The following TTC39B variants were observed in gnomAD, a reference collection of about 807,000 sequenced individuals.
TTC39B encodes the protein tetratricopeptide repeat protein 39B.
In TTC39B, 92 loss-of-function variants were observed where a neutral mutation model predicts 96.6. The ratio of observed to expected loss-of-function variants is 0.95; its 90% CI spans 0.80 to 1.13. The LOEUF (loss-of-function observed/expected upper bound fraction) is 1.13, where lower values mean the gene tolerates loss of function less well. Ranked by LOEUF, TTC39B falls within the 50% of genes most tolerant of loss-of-function variation. The pLI is 0.00. For synonymous variants in TTC39B, 367 were observed against 299.4 expected, an observed-to-expected ratio of 1.23 and a Z score of -2.33; for missense variants, 955 against 809.3, an observed-to-expected ratio of 1.18 and a Z score of -2.18.
intron 1 of TTC39B, among the ~76,000 whole-genome samples, chr9:15,280,610 T>G (rs1402259976): frequency 1.3e-5 from 2 of 152,182 alleles, no homozygotes; most frequent in African/African-American, 4.8e-5. Context: ...CGAACAGTGA[T>G]GATGATACCC....
At chr9:15,176,657 T>C (rs1364362453) in intron 18 of TTC39B, among the ~76,000 whole-genome samples, 3 of 152,290 alleles carry the variant, frequency 2.0e-5, no homozygotes, top group Non-Finnish European at 4.4e-5. Context: ...GATTCCAGGC[T>C]TCTCGTGAAA....
At chr9:15,249,886 C>CTAAAT in intron 2 of TTC39B, 1 of 1,233,210 alleles carries the variant, frequency 8.1e-7, no homozygotes. Flanking sequence ...ATCATAAACC[C>CTAAAT]AGGAACTGCT....
intron 1 of TTC39B, among the ~76,000 whole-genome samples, chr9:15,290,936 A>AT (rs1824167304): frequency 6.6e-6 from 1 of 152,196 alleles, no homozygotes; most frequent in African/African-American, 2.4e-5. Flanking sequence ...TGTCTCAGAC[A>AT]TTTTTTGGGT....
At chr9:15,242,382 G>A (rs1017351860) in intron 2 of TTC39B, among the ~76,000 whole-genome samples, 1 of 152,094 alleles carries the variant, frequency 6.6e-6, no homozygotes, top group Admixed American at 6.6e-5. Flanking sequence ...AGGAGTTTGA[G>A]ACCAGCCTGG....
At position 15,180,144 on chromosome 9, in the gene TTC39B, T is replaced by C. The variant is rs117162963; in HGVS notation, c.1723+2163A>G. ...AGATCCGCTGAACTTTTATGGTGGATAGGCTGAGAAACAGGGAAGTTTGAA... is the reference window on the plus strand; with the variant it reads ...AGATCCGCTGAACTTTTATGGTGGACAGGCTGAGAAACAGGGAAGTTTGAA... On this transcript the variant is annotated intron_variant, in intron 17 of 19. Transcript: ENST00000512701. Among the ~76,000 whole-genome samples the C allele has an allele frequency of 9.2e-5, 14 of 152,308 alleles. No individual in the cohort carries two copies. The East Asian group carries it at 2.5e-3, about 27-fold the overall frequency.
chr9:15,212,196 G>A (rs983651749), intron 4 of TTC39B, among the ~76,000 whole-genome samples: 5 of 152,118 alleles, frequency 3.3e-5, no homozygotes, highest in Non-Finnish European at 7.4e-5. Context: ...CAAAACAAAT[G>A]CAAGCCACAT....
chr9:15,220,477 G>A lies in TTC39B; in HGVS notation c.371+5440C>T, dbSNP rs192206251. 2.9e-3 allele frequency among the ~76,000 whole-genome samples: 436 copies of A among 152,278 alleles called. 1 individual carries two copies. The highest frequency in any genetic ancestry group is 6.8e-3 in the African/African-American group (284 of 41,548). On this transcript the variant is annotated intron_variant, in intron 3 of 19. Coordinates refer to ENST00000512701, the Ensembl canonical transcript of TTC39B. ...GTTTCCTCAGCTATGAAAAGTATAT[G>A]AGGATATGACAATATCCACCCAACA... is the stretch of plus-strand genomic sequence containing the variant.
At chr9:15,195,679 A>AG in intron 8 of TTC39B, among the ~76,000 whole-genome samples, 1 of 151,554 alleles carries the variant, frequency 6.6e-6, no homozygotes, top group South Asian at 2.1e-4. Context: ...CCAAAAAAAA[A>AG]AAAAAAAAAA....
chr9:15,189,771 G>T lies in TTC39B; in HGVS notation c.1127C>A (p.Ala376Glu), dbSNP rs143112996. The T allele has an allele frequency of 1.8e-5, 29 of 1,612,192 alleles. No homozygotes were observed. Among genetic ancestry groups the T allele is most frequent in the South Asian group, 8.8e-5 (8 of 90,754 alleles). The change falls in exon 12 of 20, where the codon GCG becomes GAG. Residue 376 changes from alanine to glutamate, a missense_variant. Physicochemically the swap from Ala to Glu is moderately radical, Grantham distance 107 (BLOSUM62 -1). Coordinates refer to ENST00000512701, the Ensembl canonical transcript of TTC39B. ...GGGTGCCAGGAGACGCTCTGCTTCC[G>T]CAACATTCACTTCTCCTGTACCTAG... is the stretch of plus-strand genomic sequence containing the variant.
exon 20 of TTC39B, chr9:15,169,126 G>A (rs2118343358): frequency 6.6e-6 from 1 of 152,194 alleles, no homozygotes; most frequent in East Asian, 1.9e-4. Context: ...TAGACTGTTG[G>A]GTTTTCCGAT....
chr9:15,238,112 C>T (rs535913679), intron 2 of TTC39B, among the ~76,000 whole-genome samples: 1 of 152,120 alleles, frequency 6.6e-6, no homozygotes, highest in East Asian at 1.9e-4. Context: ...AGAAACATAC[C>T]TCAAAATAAT....
At chr9:15,232,691 G>A (rs1349595982) in intron 2 of TTC39B, among the ~76,000 whole-genome samples, 1 of 152,226 alleles carries the variant, frequency 6.6e-6, no homozygotes, top group Non-Finnish European at 1.5e-5. Context: ...AACAGAGCCC[G>A]CCTAGCTGAG....
chr9:15,231,948 GCAGAGACCTTGGCACATCTCAC>G (rs533121707), intron 2 of TTC39B, among the ~76,000 whole-genome samples: 40 of 152,220 alleles, frequency 2.6e-4, no homozygotes, highest in African/African-American at 9.2e-4. Context: ...CTCAAATCCT[GCAGAGACCTTGGCACATCTCAC>G]CAGGAGCTCC....
chr9:15,252,818 C>A (rs556245916), intron 2 of TTC39B, among the ~76,000 whole-genome samples: 7 of 152,320 alleles, frequency 4.6e-5, no homozygotes, highest in Non-Finnish European at 8.8e-5. Context: ...AACTCTACTA[C>A]ATTTTCTAGT....
chr9:15,227,175 C>G (rs148565893), intron 2 of TTC39B, among the ~76,000 whole-genome samples: 15 of 151,884 alleles, frequency 9.9e-5, no homozygotes, highest in Non-Finnish European at 1.9e-4. Flanking sequence ...GGTATCGTGG[C>G]GCATGCCTGT....
intron 1 of TTC39B, among the ~76,000 whole-genome samples, chr9:15,298,361 A>C (rs934516814): frequency 6.6e-6 from 1 of 152,156 alleles, no homozygotes; most frequent in African/African-American, 2.4e-5. Context: ...GTATTAGTCC[A>C]TTTTCATACT....
intron 1 of TTC39B, among the ~76,000 whole-genome samples, chr9:15,288,214 G>T (rs1037127359): frequency 2.4e-4 from 37 of 152,088 alleles, no homozygotes; most frequent in African/African-American, 8.9e-4. Flanking sequence ...GGGAAATACT[G>T]GATAGAAGAG....
rs577292189 is a variant in TTC39B, at chr9:15,206,290, A to G, written c.692-2400T>C. Among the ~76,000 whole-genome samples, 49 of 151,942 alleles carry G rather than the reference A, an allele frequency of 3.2e-4. 1 individual carries two copies. Among genetic ancestry groups the G allele is most frequent in the Non-Finnish European group, 5.6e-4 (38 of 68,036 alleles). ...AGTATGTTCCACATTAAAACCATGA[A>G]AAGTTTAATGAAATATACTCACTCC... On this transcript the variant is annotated intron_variant, in intron 6 of 19. Coordinates refer to ENST00000512701, the Ensembl canonical transcript of TTC39B.
At chr9:15,236,560 C>A (rs1821792113) in intron 2 of TTC39B, among the ~76,000 whole-genome samples, 1 of 152,132 alleles carries the variant, frequency 6.6e-6, no homozygotes, top group Non-Finnish European at 1.5e-5. Flanking sequence ...CAGAATCAAC[C>A]ATATACTCAG....
Sources: allele counts gnomAD v4.1 joint callset (sites outside exome capture counted in the v4.1 genomes callset), GRCh38; gene constraint gnomAD v4.1.1; transcripts MANE v1.5; gene names NCBI Gene and HGNC (gene_info 2026-07-23, HGNC 2026-07-21).